REXO5: variants seen among roughly 807,000 people sequenced by gnomAD.
REXO5 encodes the protein RNA exonuclease 5.
In REXO5, 48 loss-of-function variants were observed where a neutral mutation model predicts 88.5. The ratio of observed to expected loss-of-function variants is 0.54; its 90% confidence interval spans 0.43 to 0.69. REXO5 has a LOEUF of 0.69. REXO5 is among the 30% of genes least tolerant of loss of function. The probability of loss-of-function intolerance (pLI) is 0.00; values close to 1 mark genes in which losing one functional copy is unlikely to be tolerated. For missense variants in REXO5, 749 were observed against 912.2 expected, an observed-to-expected ratio of 0.82 and a Z score of 2.30; for synonymous variants, 311 against 336.5, an observed-to-expected ratio of 0.92 and a Z score of 0.83.
chr16:20,813,219 T>C lies in REXO5; in HGVS notation c.168T>C (p.Thr56=), dbSNP rs547741435. ...KKARLSTILF[T]DNCEVTHDQL... is the part of the protein sequence containing the mutation. ...CCCGCTTATCTACCATTTTATTTAC[T>C]GACAACTGTGAAGTAACCCATGACC... The change falls in exon 3 of 20, where the codon ACT becomes ACC. Residue 56 remains threonine (T), a synonymous_variant. Coordinates refer to ENST00000261377, the MANE Select transcript of REXO5 (RefSeq NM_030941.3). 1 of 1,613,960 alleles carries C rather than the reference T, an allele frequency of 6.2e-7. No homozygotes were observed.
chr16:20,849,305 C>T, intron 19 of REXO5, 94 bp from the exon 20 acceptor site: 1 of 1,225,904 alleles, frequency 8.2e-7, no homozygotes, highest in East Asian at 2.4e-5. Context: ...GGCACACACA[C>T]ATACTTGGAA....
Position 20,816,200 on chromosome 16 carries a change from A to C in REXO5, c.463A>C (p.Lys155Gln). Residue 155 changes from lysine (K) to glutamine (Q), a missense_variant, in exon 5 of 20, where the codon AAG becomes CAG. Physicochemically the swap from Lys to Gln is moderately conservative, Grantham distance 53 (BLOSUM62 1). Transcript: ENST00000261377. ...TGAACAAAGAGCTGGAGATCTGCCC[A>C]AGACAATGGAAGGTATAGCTATGAT... ...QTEQRAGDLPKTMEGPLPSNA... is the reference protein window; with the variant it reads ...QTEQRAGDLPQTMEGPLPSNA... 6.2e-7 allele frequency: 1 copy of C among 1,612,708 alleles called. No individual in the cohort carries two copies. The highest frequency in any genetic ancestry group is 8.5e-7 in the Non-Finnish European group (1 of 1,178,672).
intron 5 of REXO5, among the ~76,000 whole-genome samples, chr16:20,819,953 G>A (rs1261869256): frequency 6.6e-6 from 1 of 152,060 alleles, no homozygotes; most frequent in Non-Finnish European, 1.5e-5. Context: ...ACTGGGTCTT[G>A]CTCCGTTGCC....
intron 5 of REXO5, among the ~76,000 whole-genome samples, chr16:20,817,032 A>G (rs1332880350): frequency 6.6e-6 from 1 of 152,212 alleles, no homozygotes; most frequent in Admixed American, 6.5e-5. Flanking sequence ...AAGGTGAGTG[A>G]TAGAGTAGTA....
At chr16:20,848,305 C>T (rs1335653687) in intron 19 of REXO5, among the ~76,000 whole-genome samples, 2 of 152,158 alleles carry the variant, frequency 1.3e-5, no homozygotes, top group African/African-American at 4.8e-5. Flanking sequence ...TGATGCAGCT[C>T]TTAATCCTTA....
chr16:20,815,187 A>G (rs1178216527), intron 4 of REXO5, 134 bp downstream of exon 4: 5 of 821,834 alleles, frequency 6.1e-6, no homozygotes, highest in Non-Finnish European at 9.0e-6. Context: ...AAAAGACCTT[A>G]GAGGCCTCAT....
intron 5 of REXO5, 54 bp downstream of exon 5, chr16:20,816,266 G>A: frequency 3.6e-6 from 5 of 1,397,574 alleles, no homozygotes; most frequent in Admixed American, 1.9e-5. Context: ...ATACGGATAT[G>A]ATTGTAAGTA....
In REXO5 at chr16:20,818,616, G is replaced by A. The variant is rs573665261; in HGVS notation, c.475+2404G>A. 9.9e-5 allele frequency among the ~76,000 whole-genome samples: 15 copies of A among 152,138 alleles called. No individual in the cohort carries two copies. In the East Asian group the frequency reaches 2.1e-3, roughly 22 times the overall value. On this transcript the variant is annotated intron_variant, in intron 5 of 19. Coordinates refer to ENST00000261377, the MANE Select transcript of REXO5 (RefSeq NM_030941.3). ...CTCCTGAGTAGCTGGGACTACAGGC[G>A]TGCACCACCATACCAGCTAATTTTT... is the stretch of plus-strand genomic sequence containing the variant.
intron 2 of REXO5, among the ~76,000 whole-genome samples, chr16:20,809,087 T>A (rs1350015459): frequency 1.3e-5 from 2 of 152,008 alleles, no homozygotes; most frequent in African/African-American, 4.8e-5. Context: ...TGCAAAAAAA[T>A]GTTTAATGTT....
Position 20,849,655 on chromosome 16 carries a change from G to A in REXO5, c.*175G>A, listed in dbSNP as rs1038611896. 3.3e-6 allele frequency: 2 copies of A among 607,408 alleles called. No homozygotes were observed. Among genetic ancestry groups the A allele is most frequent in the Non-Finnish European group, 2.9e-6 (1 of 341,340 alleles). 37.6% of individuals were successfully genotyped at this position (607,408 alleles called of 1,614,324 possible). On this transcript the variant is annotated 3_prime_UTR_variant, in exon 20 of 20. Transcript: ENST00000261377. ...TATAAGTTTTCAATAAATGCCTAAA[G>A]TTCAAGCATAGTATGGGGATGTCCA... is the stretch of plus-strand genomic sequence containing the variant.
At chr16:20,819,120 C>T (rs1260405260) in intron 5 of REXO5, among the ~76,000 whole-genome samples, 2 of 152,144 alleles carry the variant, frequency 1.3e-5, no homozygotes, top group Non-Finnish European at 2.9e-5. Flanking sequence ...TTTGTGGCTG[C>T]ATAGTATTCC....
At chr16:20,836,047 G>T (rs1414990640) in intron 13 of REXO5, among the ~76,000 whole-genome samples, 2 of 151,982 alleles carry the variant, frequency 1.3e-5, no homozygotes, top group African/African-American at 2.4e-5. Flanking sequence ...TCAAAAAAAA[G>T]AAAGTACAGA....
intron 13 of REXO5, among the ~76,000 whole-genome samples, chr16:20,838,697 T>C (rs930918497): frequency 1.3e-5 from 2 of 152,174 alleles, no homozygotes; most frequent in Admixed American, 6.5e-5. Context: ...GGTGATCACA[T>C]CTGTTTTCAG....
chr16:20,823,483 C>T (rs1444708433), intron 6 of REXO5: 1 of 151,950 alleles, frequency 6.6e-6, no homozygotes. Flanking sequence ...CACATGAGCA[C>T]GTAGTAAGGG....
chr16:20,806,629 C>A lies in REXO5; in HGVS notation c.-79C>A. The A allele has an allele frequency of 7.7e-7, 1 of 1,296,024 alleles. No individual in the cohort carries two copies. The highest frequency in any genetic ancestry group is 1.0e-6 in the Non-Finnish European group (1 of 975,036). 80.3% of individuals were successfully genotyped at this position (1,296,024 alleles called of 1,614,324 possible). On this transcript the variant is annotated 5_prime_UTR_variant, in exon 1 of 20. Transcript: ENST00000261377. Reference sequence around the variant, plus strand: ...GGGCGTGGGGAGTGGTTTTAGGCGGCGAAGCCGCTCGGCAGCACCTTCCTT... The same window carrying A: ...GGGCGTGGGGAGTGGTTTTAGGCGGAGAAGCCGCTCGGCAGCACCTTCCTT...
At chr16:20,814,850 C>A (rs535379659) in intron 3 of REXO5, 77 bp from the exon 4 acceptor site, 4 of 1,410,072 alleles carry the variant, frequency 2.8e-6, no homozygotes, top group Non-Finnish European at 3.8e-6. Context: ...TGCGCCTTCT[C>A]CCCTATTTCC....
chr16:20,817,070 A>G (rs1596572944), intron 5 of REXO5, among the ~76,000 whole-genome samples: 1 of 152,354 alleles, frequency 6.6e-6, no homozygotes, highest in East Asian at 1.9e-4. Context: ...AGTTGCATAT[A>G]GTAAGGTTAG....
chr16:20,807,109 C>A lies in REXO5; in HGVS notation c.138+18C>A, dbSNP rs765281824. The A allele has an allele frequency of 6.3e-7, 1 of 1,593,388 alleles. No homozygotes were observed. Among genetic ancestry groups the A allele is most frequent in the East Asian group, 2.3e-5 (1 of 44,098 alleles). On this transcript the variant is annotated intron_variant, in intron 2 of 19. Coordinates refer to ENST00000261377, the MANE Select transcript of REXO5 (RefSeq NM_030941.3). ...AGGCCAAGGTGAGCAACGGGGATCC[C>A]GAGCAGGCGGCCCTAGGCGGTTTGG...
intron 10 of REXO5, 104 bp from the exon 11 acceptor site, chr16:20,828,331 A>G: frequency 1.4e-6 from 1 of 715,302 alleles, no homozygotes; most frequent in Non-Finnish European, 2.4e-6. Flanking sequence ...AAATCTAATT[A>G]TCAGAATTCT....
Sources: allele counts gnomAD v4.1 joint callset (sites outside exome capture counted in the v4.1 genomes callset), GRCh38; gene constraint gnomAD v4.1.1; transcripts MANE v1.5; gene names NCBI Gene and HGNC (gene_info 2026-07-23, HGNC 2026-07-21).